The following ARHGAP27 variants were observed in gnomAD, a reference collection of about 807,000 sequenced individuals.
ARHGAP27 encodes the protein rho GTPase-activating protein 27.
Under a neutral mutation model 102.0 loss-of-function variants are expected in ARHGAP27, and 53 were observed. The observed-to-expected ratio is 0.52, with a 90% CI of 0.42 to 0.65. The LOEUF is 0.65. ARHGAP27 is among the 30% of genes least tolerant of loss of function. The pLI, the probability that ARHGAP27 is intolerant of heterozygous loss-of-function variation, is 0.00. For synonymous variants in ARHGAP27, 525 were observed against 542.8 expected (o/e 0.97, Z 0.46); for missense variants, 1,117 against 1,256.2 (o/e 0.89, Z 1.68).
chr17:45,408,119 C>T (rs1169145733), intron 4 of ARHGAP27: 1 of 138,818 alleles, frequency 7.2e-6, no homozygotes, highest in Non-Finnish European at 1.6e-5. Context: ...TAGGCAGATG[C>T]CAAAAAAAAA....
At chr17:45,404,798 A>G in intron 6 of ARHGAP27, 117 bp from the exon 7 acceptor site, 1 of 1,512,546 alleles carries the variant, frequency 6.6e-7, no homozygotes, top group Non-Finnish European at 9.1e-7. Context: ...GGTGCAGGTG[A>G]CTGTGTTTGG....
intron 4 of ARHGAP27, chr17:45,408,061 C>T (rs1249779057): frequency 1.3e-5 from 2 of 151,766 alleles, no homozygotes; most frequent in East Asian, 3.9e-4. Flanking sequence ...AAGCTGTAAA[C>T]TCCTCGAAAG....
intron 4 of ARHGAP27, among the ~76,000 whole-genome samples, chr17:45,428,536 G>A (rs187010144): frequency 6.6e-6 from 1 of 152,168 alleles, no homozygotes; most frequent in African/African-American, 2.4e-5. Context: ...GTAACGAGTC[G>A]GGCGGAGGGA....
chr17:45,406,496 CG>C (rs1222359986), intron 4 of ARHGAP27, among the ~76,000 whole-genome samples: 2 of 152,152 alleles, frequency 1.3e-5, no homozygotes, highest in African/African-American at 4.8e-5. Context: ...GTGCCCCAGA[CG>C]GGTGGGTCAA....
At chr17:45,426,582 G>A (rs572112776) in intron 4 of ARHGAP27, among the ~76,000 whole-genome samples, 2 of 145,710 alleles carry the variant, frequency 1.4e-5, no homozygotes, top group South Asian at 4.3e-4. Context: ...CAGTGCCCCC[G>A]TGCCATGCCA....
At position 45,395,567 on chromosome 17, in the gene ARHGAP27, C is replaced by T; in HGVS notation, c.2559G>A (p.Thr853=). ...VQSVAIVFGP[T]LLRPEVEETS... is the part of the protein sequence containing the mutation. ...TCTCTTCCACCTCGGGCCGCAGCAG[C>T]GTGGGCCCGAACACAATGGCCACGC... Residue 853 remains threonine, a synonymous_variant, in exon 20 of 20, where the codon ACG becomes ACA. Transcript: ENST00000685559. 6 of 1,605,086 alleles carry T rather than the reference C, an allele frequency of 3.7e-6. No homozygotes were observed. Among genetic ancestry groups the T allele is most frequent in the Non-Finnish European group, 5.1e-6 (6 of 1,176,100 alleles).
At position 45,427,043 on chromosome 17, in the gene ARHGAP27, G is replaced by A. The variant is rs1348843946; in HGVS notation, c.657+2580C>T. On this transcript the variant is annotated intron_variant, in intron 4 of 19. Coordinates refer to ENST00000685559, the MANE Select transcript of ARHGAP27 (RefSeq NM_001282290.2). The surrounding 1 kb of genome is among the most constrained non-coding windows in gnomAD (Gnocchi z 4.5). Reference sequence around the variant, plus strand: ...CCCCAAGTCATCCCCCCGTCAGGAAGCAGCACCACTGTCTGCCCACGAGTG... The same window carrying A: ...CCCCAAGTCATCCCCCCGTCAGGAAACAGCACCACTGTCTGCCCACGAGTG... Among the ~76,000 whole-genome samples the A allele has an allele frequency of 6.6e-6, 1 of 151,960 alleles. No homozygotes were observed. Among genetic ancestry groups the A allele is most frequent in the Non-Finnish European group, 1.5e-5 (1 of 67,982 alleles).
At chr17:45,396,310 CG>C in intron 16 of ARHGAP27, 26 bp from the exon 17 acceptor site, 1 of 1,592,592 alleles carries the variant, frequency 6.3e-7, no homozygotes, top group Non-Finnish European at 8.5e-7. Context: ...GCGCTGATCC[CG>C]GGTTCAGGGA....
At position 45,396,268 on chromosome 17, in the gene ARHGAP27, C is replaced by T; in HGVS notation, c.2190G>A (p.Gly730=). ...CCAGGTTTCCACTGATGCGGTACAG[C>T]CCGTCGATGTCCAGCCCTGGGCCAG... The part of the protein sequence containing the change: ...AVEARGLDID[G]LYRISGNLAT... The change falls in exon 17 of 20, where the codon GGG becomes GGA. Residue 730 remains glycine, a synonymous_variant. Coordinates refer to ENST00000685559, the MANE Select transcript of ARHGAP27 (RefSeq NM_001282290.2). 6.2e-7 allele frequency: 1 copy of T among 1,612,882 alleles called. No homozygotes were observed. Among genetic ancestry groups the T allele is most frequent in the Non-Finnish European group, 8.5e-7 (1 of 1,179,498 alleles).
At chr17:45,396,627 G>C (rs559931150) in intron 15 of ARHGAP27, 41 bp downstream of exon 15, 1 of 1,611,834 alleles carries the variant, frequency 6.2e-7, no homozygotes, top group South Asian at 1.1e-5. Flanking sequence ...CCTGCGCCCC[G>C]TCCCGGTCCC....
intron 15 of ARHGAP27, 36 bp from the exon 16 acceptor site, chr17:45,396,621 C>T (rs781599959): frequency 2.5e-6 from 4 of 1,611,054 alleles, no homozygotes; most frequent in South Asian, 1.1e-5. Flanking sequence ...GCCCAGCCTG[C>T]GCCCCGTCCC....
rs1234074142 is a variant in ARHGAP27 at position 45,396,739 on chromosome 17, C to A, written c.2003G>T (p.Arg668Leu). Residue 668 changes from arginine to leucine, a missense_variant, in exon 15 of 20, where the codon CGG becomes CTG. Transcript: ENST00000685559. Reference sequence around the variant, plus strand: ...CTGGAGGAACTTGCGGAGCTTGTGCCGGACCTTGCTCAAGTCGCTCTCCAG... The same window carrying A: ...CTGGAGGAACTTGCGGAGCTTGTGCAGGACCTTGCTCAAGTCGCTCTCCAG... ...VGLESDLSKV[R>L]HKLRKFLQRR... is the part of the protein sequence containing the mutation. 2.5e-6 allele frequency: 4 copies of A among 1,613,660 alleles called. No homozygotes were observed. Among genetic ancestry groups the A allele is most frequent in the Non-Finnish European group, 3.4e-6 (4 of 1,179,786 alleles).
chr17:45,403,888 C>A, intron 10 of ARHGAP27, 141 bp downstream of exon 10: 1 of 1,062,228 alleles, frequency 9.4e-7, no homozygotes, highest in Non-Finnish European at 1.4e-6. Flanking sequence ...GTCACTTTAT[C>A]TCACAGTGTC....
intron 3 of ARHGAP27, among the ~76,000 whole-genome samples, chr17:45,431,363 GC>G (rs1222590591): frequency 1.3e-5 from 2 of 152,174 alleles, no homozygotes; most frequent in Non-Finnish European, 2.9e-5. Flanking sequence ...ACCTCTTCCT[GC>G]CCCCTAAGGT....
In ARHGAP27 at chr17:45,430,121, G is replaced by A. The variant is rs2049943746; in HGVS notation, c.159C>T (p.Gly53=). Residue 53 remains glycine, a synonymous_variant, in exon 4 of 20, where the codon GGC becomes GGT. Coordinates refer to ENST00000685559, the MANE Select transcript of ARHGAP27 (RefSeq NM_001282290.2). The surrounding 1 kb of genome is among the most constrained non-coding windows in gnomAD (Gnocchi z 4.4). The stretch of plus-strand genomic sequence containing the variant: ...GCGCAGGCAGGTAGAAGGGGCGGCC[G>A]CCGGGCTCACGCCGCACGTGCCACC... ...EHWWHVRREP[G]GRPFYLPAQY... 2 of 1,521,934 alleles carry A rather than the reference G, an allele frequency of 1.3e-6. No homozygotes were observed. Among genetic ancestry groups the A allele is most frequent in the South Asian group, 1.2e-5 (1 of 83,180 alleles). 94.3% of individuals were successfully genotyped at this position (1,521,934 alleles called of 1,614,324 possible).
At chr17:45,400,636 C>A (rs958455835) in intron 12 of ARHGAP27, among the ~76,000 whole-genome samples, 1 of 152,128 alleles carries the variant, frequency 6.6e-6, no homozygotes, top group Non-Finnish European at 1.5e-5. Flanking sequence ...TGTCTCAGAC[C>A]GGGCATGGTG....
Position 45,427,337 on chromosome 17 carries a change from T to C in ARHGAP27, c.657+2286A>G, listed in dbSNP as rs1017923287. ...CCGGGTGGGCACCCACTCTCAACCC[T>C]ATGCTCCACTCTGAGCCCCGGCCCC... On this transcript the variant is annotated intron_variant, in intron 4 of 19. Coordinates refer to ENST00000685559, the MANE Select transcript of ARHGAP27 (RefSeq NM_001282290.2). This position sits in a 1 kb window ranked among gnomAD's most constrained non-coding sequence, Gnocchi z 4.5. 7.9e-5 allele frequency among the ~76,000 whole-genome samples: 12 copies of C among 152,222 alleles called. No individual in the cohort carries two copies. Among genetic ancestry groups the C allele is most frequent in the Non-Finnish European group, 8.8e-5 (6 of 68,034 alleles).
chr17:45,406,093 G>A lies in ARHGAP27; in HGVS notation c.658-10C>T, dbSNP rs113400493. The stretch of plus-strand genomic sequence containing the variant: ...CCGGTGGGTCGTCCACCTGCGGGAG[G>A]AGAAAGGAGGAATTTTGTGTTTTCA... On this transcript the variant is annotated splice_polypyrimidine_tract_variant and intron_variant, in intron 4 of 19. Coordinates refer to ENST00000685559, the MANE Select transcript of ARHGAP27 (RefSeq NM_001282290.2). The A allele has an allele frequency of 2.0e-6, 3 of 1,502,688 alleles. No homozygotes were observed. The highest frequency in any genetic ancestry group is 1.4e-5 in the African/African-American group (1 of 72,020). The allele number at this position is 1,502,688 out of a possible 1,614,324, so 93.1% of individuals were successfully genotyped here.
In ARHGAP27 at chr17:45,430,358, C is replaced by T; in HGVS notation, c.-18-61G>A. On this transcript the variant is annotated intron_variant, in intron 3 of 19. Coordinates refer to ENST00000685559, the MANE Select transcript of ARHGAP27 (RefSeq NM_001282290.2). The surrounding 1 kb of genome is among the most constrained non-coding windows in gnomAD (Gnocchi z 4.4). Reference sequence around the variant, plus strand: ...GACCACCGAGCCTGGAATAGCCCCGCACTCGGGGACAGACTTGGGTTCGAG... The same window carrying T: ...GACCACCGAGCCTGGAATAGCCCCGTACTCGGGGACAGACTTGGGTTCGAG... 6.7e-7 allele frequency: 1 copy of T among 1,491,084 alleles called. No homozygotes were observed. The highest frequency in any genetic ancestry group is 8.8e-7 in the Non-Finnish European group (1 of 1,130,928). 92.4% of individuals were successfully genotyped at this position (1,491,084 alleles called of 1,614,324 possible). A position where few individuals can be genotyped will look rare whatever the true frequency, so the allele number is the denominator to read the frequency against.
Sources: allele counts gnomAD v4.1 joint callset (sites outside exome capture counted in the v4.1 genomes callset), GRCh38; gene constraint gnomAD v4.1.1; non-coding constraint Gnocchi (gnomAD v3.1); transcripts MANE v1.5; gene names NCBI Gene and HGNC (gene_info 2026-07-23, HGNC 2026-07-21).